BTNL8: variants seen among roughly 807,000 people sequenced by gnomAD.
BTNL8 encodes butyrophilin like 8.
BTNL8 carries 22 observed loss-of-function variants against 36.1 expected under a neutral mutation model. The ratio of observed to expected loss-of-function variants is 0.61; its 90% CI spans 0.44 to 0.87. The LOEUF (loss-of-function observed/expected upper bound fraction) is 0.87, where lower values mean the gene tolerates loss of function less well. BTNL8 is among the 40% of genes least tolerant of loss of function. BTNL8 has a pLI of 0.00. For missense variants in BTNL8, 526 were observed against 616.9 expected, an observed-to-expected ratio of 0.85 and a Z score of 1.56; for synonymous variants, 203 against 235.6, an observed-to-expected ratio of 0.86 and a Z score of 1.27.
intron 3 of BTNL8, among the ~76,000 whole-genome samples, chr5:180,932,889 A>C (rs1367543463): frequency 6.6e-6 from 1 of 152,150 alleles, no homozygotes; most frequent in Non-Finnish European, 1.5e-5. Context: ...GACTGGCTGA[A>C]TGTATTTTTA....
At position 180,935,202 on chromosome 5, in the gene BTNL8, C is replaced by T. The variant is rs570308274; in HGVS notation, c.674-12310C>T. On this transcript the variant is annotated intron_variant, in intron 3 of 7. Coordinates refer to ENST00000340184, the MANE Select transcript of BTNL8 (RefSeq NM_001040462.3). The surrounding 1 kb of genome is among the most constrained non-coding windows in gnomAD (Gnocchi z 4.8). ...AATTCTGACTCCAGGCAGTGGACTC[C>T]ACCCGGAACTGGCAGCCCAGCCCCC... Among the ~76,000 whole-genome samples, 10 of 152,270 alleles carry T rather than the reference C, an allele frequency of 6.6e-5. No homozygotes were observed. The highest frequency in any genetic ancestry group is 2.4e-4 in the African/African-American group (10 of 41,548).
intron 1 of BTNL8, among the ~76,000 whole-genome samples, chr5:180,908,117 C>T (rs1757186546): frequency 6.6e-6 from 1 of 152,226 alleles, no homozygotes; most frequent in Non-Finnish European, 1.5e-5. Flanking sequence ...AGCCTCGCTG[C>T]TGCCTTGCAG....
intron 3 of BTNL8, among the ~76,000 whole-genome samples, chr5:180,942,270 C>T (rs1759017238): frequency 6.6e-6 from 1 of 152,004 alleles, no homozygotes. Flanking sequence ...AACTACAAAA[C>T]ATTGATGAAA....
chr5:180,926,669 G>A (rs146234938), intron 3 of BTNL8, among the ~76,000 whole-genome samples: 272 of 152,322 alleles, frequency 1.8e-3, no homozygotes, highest in African/African-American at 6.3e-3. Context: ...GGCTTGAGTA[G>A]GCAGTTTTTC....
intron 7 of BTNL8, chr5:180,949,610 G>C: frequency 1.9e-6 from 1 of 528,260 alleles, no homozygotes; most frequent in South Asian, 2.1e-5. Context: ...GTTAGATAGT[G>C]GGGTCCCTCC....
intron 3 of BTNL8, among the ~76,000 whole-genome samples, chr5:180,922,642 G>T (rs1403155200): frequency 1.1e-4 from 10 of 91,066 alleles, no homozygotes; most frequent in Non-Finnish European, 2.2e-4. Context: ...TATGTGCTAT[G>T]TAGTGATAAG....
chr5:180,907,830 C>A (rs1049275781), intron 1 of BTNL8, among the ~76,000 whole-genome samples: 1 of 150,980 alleles, frequency 6.6e-6, no homozygotes, highest in South Asian at 2.1e-4. Flanking sequence ...TTAGGCTGCT[C>A]GGGGGTCAGG....
In BTNL8 at chr5:180,950,520, C is replaced by T. The variant is rs1231237078; in HGVS notation, c.1479C>T (p.Pro493=). The T allele has an allele frequency of 2.7e-6, 4 of 1,462,912 alleles. 1 individual carries two copies. Among genetic ancestry groups the T allele is most frequent in the African/African-American group, 2.8e-5 (2 of 72,614 alleles). The allele number at this position is 1,462,912 out of a possible 1,614,324, so 90.6% of individuals were successfully genotyped here. A position where few individuals can be genotyped will look rare whatever the true frequency, so the allele number is the denominator to read the frequency against. ...AGTCCTCCTCACAGGCAACCACGCC[C>T]TTCCTCCCCAGGGGTGAAATGTAGG... ...NSESSSQATT[P]FLPRGEM The change falls in exon 8 of 8, where the codon CCC becomes CCT. Residue 493 remains proline (P), a synonymous_variant. Coordinates refer to ENST00000340184, the MANE Select transcript of BTNL8 (RefSeq NM_001040462.3).
chr5:180,945,043 A>G (rs1759170852), intron 3 of BTNL8, among the ~76,000 whole-genome samples: 1 of 152,280 alleles, frequency 6.6e-6, no homozygotes, highest in South Asian at 2.1e-4. Flanking sequence ...TAACAAAGTT[A>G]GAGTCACAAT....
At chr5:180,929,114 C>G (rs1758245048) in intron 3 of BTNL8, among the ~76,000 whole-genome samples, 2 of 152,192 alleles carry the variant, frequency 1.3e-5, no homozygotes, top group Admixed American at 1.3e-4. Context: ...AACAAACAGC[C>G]TCTCGGACCA....
intron 3 of BTNL8, among the ~76,000 whole-genome samples, chr5:180,941,615 G>A (rs1758956890): frequency 6.6e-6 from 1 of 152,128 alleles, no homozygotes; most frequent in Non-Finnish European, 1.5e-5. Flanking sequence ...AAGTGGGATT[G>A]ATTCTAGGGA....
At chr5:180,938,734 C>T (rs761111820) in intron 3 of BTNL8, among the ~76,000 whole-genome samples, 17 of 151,866 alleles carry the variant, frequency 1.1e-4, no homozygotes, top group East Asian at 3.9e-4. Flanking sequence ...GACGGGGTTT[C>T]GCCATGTTGG....
intron 2 of BTNL8, chr5:180,909,737 A>C: frequency 3.5e-6 from 1 of 285,918 alleles, no homozygotes; most frequent in Non-Finnish European, 5.2e-6. Flanking sequence ...AAAAAAGAAG[A>C]TGAAAGAAGG....
At chr5:180,946,781 ATAAG>A (rs1217001989) in intron 3 of BTNL8, among the ~76,000 whole-genome samples, 28 of 152,352 alleles carry the variant, frequency 1.8e-4, no homozygotes, top group Admixed American at 9.1e-4. Flanking sequence ...CATAAAAATG[ATAAG>A]TAAGGGAGAT....
chr5:180,908,679 C>G lies in BTNL8; in HGVS notation c.143C>G (p.Ala48Gly). 1.1e-5 allele frequency: 18 copies of G among 1,614,200 alleles called. No individual in the cohort carries two copies. The highest frequency in any genetic ancestry group is 1.5e-5 in the Non-Finnish European group (18 of 1,180,034). ...TGTTTCCTGTCTCCTAAGACCAATG[C>G]AGAGGCCATGGAAGTGCGGTTCTTC... ...FSCFLSPKTN[A>G]EAMEVRFFRG... The change falls in exon 2 of 8, where the codon GCA becomes GGA. Residue 48 changes from alanine to glycine, a missense_variant. By Grantham distance (60) the Ala-to-Gly change is moderately conservative. This residue lies in a region of BTNL8 where 350 missense variants were observed against 324.6 expected (regional missense o/e 1.08). Transcript: ENST00000340184.
At position 180,948,560 on chromosome 5, in the gene BTNL8, C is replaced by T. The variant is rs1759391071; in HGVS notation, c.808+185C>T. ...AGTTACCCCTCGGACATCTGGAGGGCTTAGGATAGGCCCCGGGGCCTGGAA... is the reference window on the plus strand; with the variant it reads ...AGTTACCCCTCGGACATCTGGAGGGTTTAGGATAGGCCCCGGGGCCTGGAA... On this transcript the variant is annotated intron_variant, in intron 5 of 7. Coordinates refer to ENST00000340184, the MANE Select transcript of BTNL8 (RefSeq NM_001040462.3). The T allele has an allele frequency of 2.6e-6, 4 of 1,517,606 alleles. No homozygotes were observed. In the South Asian group the frequency reaches 4.5e-5, roughly 17 times the overall value. 94.0% of individuals were successfully genotyped at this position (1,517,606 alleles called of 1,614,324 possible).
At chr5:180,930,469 G>A (rs1413464498) in intron 3 of BTNL8, among the ~76,000 whole-genome samples, 1 of 152,122 alleles carries the variant, frequency 6.6e-6, no homozygotes, top group East Asian at 1.9e-4. Flanking sequence ...GGGCAGTCAG[G>A]CAAGAGAAAG....
intron 1 of BTNL8, among the ~76,000 whole-genome samples, chr5:180,908,381 C>T (rs1020614432): frequency 2.0e-5 from 3 of 148,452 alleles, no homozygotes; most frequent in South Asian, 2.2e-4. Context: ...GTGCACGGTG[C>T]GCGCACCCAC....
At chr5:180,937,090 A>G (rs1758687036) in intron 3 of BTNL8, among the ~76,000 whole-genome samples, 1 of 152,166 alleles carries the variant, frequency 6.6e-6, no homozygotes, top group African/African-American at 2.4e-5. Flanking sequence ...TCTCAGGAAC[A>G]GCCCATTTGG....
Sources: gnomAD v4.1 joint callset for allele counts (sites outside exome capture counted in the v4.1 genomes callset) on GRCh38, gnomAD v4.1.1 for gene constraint, gnomAD v4.1.1 regional missense constraint, Gnocchi (gnomAD v3.1) non-coding constraint, MANE v1.5 for transcripts, NCBI Gene and HGNC (gene_info 2026-07-23, HGNC 2026-07-21) for gene names.